CDK5RAP2: variants seen among roughly 807,000 people sequenced by gnomAD.
The protein encoded by CDK5RAP2 is CDK5 regulatory subunit-associated protein 2.
Under a neutral mutation model 232.9 loss-of-function variants are expected in CDK5RAP2, and 147 were observed. The ratio of observed to expected loss-of-function variants is 0.63; its 90% CI spans 0.55 to 0.72. CDK5RAP2 has a LOEUF of 0.72. Ranked by LOEUF, CDK5RAP2 falls within the 30% of genes least tolerant of loss-of-function variation. The probability of loss-of-function intolerance (pLI) is 0.00; values close to 1 mark genes in which losing one functional copy is unlikely to be tolerated. For synonymous variants in CDK5RAP2, 833 were observed against 833.7 expected (o/e 1.00, Z 0.01); for missense variants, 2,195 against 2,231.5 (o/e 0.98, Z 0.33).
intron 3 of CDK5RAP2, among the ~76,000 whole-genome samples, chr9:120,560,279 T>A (rs752723397): frequency 2.0e-5 from 3 of 152,220 alleles, no homozygotes; most frequent in Non-Finnish European, 2.9e-5. Flanking sequence ...TTGTGACAAC[T>A]AAATGAGCTA....
chr9:120,527,123 T>C (rs1174003693), intron 10 of CDK5RAP2, among the ~76,000 whole-genome samples: 1 of 152,168 alleles, frequency 6.6e-6, no homozygotes, highest in East Asian at 1.9e-4. Context: ...GTTCCTTGCA[T>C]AGCTACTAGG....
At chr9:120,522,060 T>C (rs570529678) in intron 11 of CDK5RAP2, among the ~76,000 whole-genome samples, 9 of 152,330 alleles carry the variant, frequency 5.9e-5, no homozygotes, top group Middle Eastern at 3.4e-3. Context: ...TCCCACTCCA[T>C]GTTCTTCCCA....
chr9:120,563,827 C>A (rs1183666696), intron 3 of CDK5RAP2, among the ~76,000 whole-genome samples: 1 of 152,228 alleles, frequency 6.6e-6, no homozygotes, highest in Admixed American at 6.5e-5. Flanking sequence ...TTTAAAGATG[C>A]AAACCTCCTA....
chr9:120,433,092 C>T (rs188862054), intron 25 of CDK5RAP2, among the ~76,000 whole-genome samples: 4 of 152,280 alleles, frequency 2.6e-5, no homozygotes, highest in East Asian at 1.9e-4. Context: ...CTGGGCCCTT[C>T]GCAAAAGCTG....
chr9:120,497,193 A>G (rs1408396013), intron 12 of CDK5RAP2, among the ~76,000 whole-genome samples: 1 of 131,860 alleles, frequency 7.6e-6, no homozygotes, highest in Non-Finnish European at 1.5e-5. Context: ...GTGCTTTGTT[A>G]AACAGATGCT....
At chr9:120,434,792 G>C (rs936052345) in intron 25 of CDK5RAP2, among the ~76,000 whole-genome samples, 7 of 152,208 alleles carry the variant, frequency 4.6e-5, no homozygotes, top group African/African-American at 1.7e-4. Flanking sequence ...GATGAAGACT[G>C]AAAACTGATC....
rs2031670561 is a variant in CDK5RAP2, at chr9:120,389,126, C to T, written c.*110G>A. The T allele has an allele frequency of 1.1e-6, 1 of 949,794 alleles. No individual in the cohort carries two copies. 58.8% of individuals were successfully genotyped at this position (949,794 alleles called of 1,614,324 possible). A position where few individuals can be genotyped will look rare whatever the true frequency, so the allele number is the denominator to read the frequency against. ...AACATGAAGGGAAAAAATAGATTTC[C>T]TTTGGCCAGACAGCTCTTTCTTCCT... On this transcript the variant is annotated 3_prime_UTR_variant, in exon 38 of 38. Transcript: ENST00000349780.
chr9:120,454,793 G>A (rs775439191), intron 20 of CDK5RAP2, among the ~76,000 whole-genome samples: 24 of 152,160 alleles, frequency 1.6e-4, no homozygotes, highest in Non-Finnish European at 2.8e-4. Flanking sequence ...TCCTTCAGAC[G>A]GACCACACAG....
intron 32 of CDK5RAP2, chr9:120,406,544 C>T (rs182362193): frequency 2.4e-4 from 40 of 165,532 alleles, no homozygotes; most frequent in Non-Finnish European, 4.1e-4. Context: ...GTACCCCCCA[C>T]AGCCTCTCCA....
In CDK5RAP2 at chr9:120,545,941, G is replaced by A. The variant is rs542890907; in HGVS notation, c.307-151C>T. 23 of 683,328 alleles carry A rather than the reference G, an allele frequency of 3.4e-5. 1 individual carries two copies. Among genetic ancestry groups the A allele is most frequent in the Admixed American group, 3.3e-4 (15 of 45,896 alleles). The allele number at this position is 683,328 out of a possible 1,614,324, so 42.3% of individuals were successfully genotyped here. Reference sequence around the variant, plus strand: ...TCCAAAAACCCTCATTAGCCTCAGGGCACAGGGAAAAGGGAATTATTAAAC... The same window carrying A: ...TCCAAAAACCCTCATTAGCCTCAGGACACAGGGAAAAGGGAATTATTAAAC... On this transcript the variant is annotated intron_variant, in intron 4 of 37. Transcript: ENST00000349780.
rs148218316 is a variant in CDK5RAP2 at position 120,413,435 on chromosome 9, G to A, written c.4297+1605C>T. On this transcript the variant is annotated intron_variant, in intron 28 of 37. Transcript: ENST00000349780. ...TAAACATTTCACAGCAGGGGGAGGC[G>A]GAGCCACTTTTATTCCTTTGTATTC... Among the ~76,000 whole-genome samples, 233 of 152,308 alleles carry A rather than the reference G, an allele frequency of 1.5e-3. 1 individual carries two copies. Among genetic ancestry groups the A allele is most frequent in the African/African-American group, 5.1e-3 (212 of 41,564 alleles).
At position 120,409,137 on chromosome 9, in the gene CDK5RAP2, C is replaced by T. The variant is rs750622631; in HGVS notation, c.4594G>A (p.Glu1532Lys). Residue 1532 changes from glutamate to lysine, a missense_variant, in exon 30 of 38, where the codon GAG (glutamate) becomes AAG (lysine). Transcript: ENST00000349780. ...LIQEVRCSGQELSRVQEEVKL... is the reference protein window; with the variant it reads ...LIQEVRCSGQKLSRVQEEVKL... ...AAGCACAGCCACTACCTGCTCAGCT[C>T]CTGGCCGCTGCAGCGGACCTCCTGG... 139 of 1,611,872 alleles carry T rather than the reference C, an allele frequency of 8.6e-5. 4 individuals are homozygous for T. In the South Asian group the frequency reaches 1.5e-3, roughly 17 times the overall value.
chr9:120,456,675 T>C (rs1275604698), intron 20 of CDK5RAP2, among the ~76,000 whole-genome samples: 1 of 152,224 alleles, frequency 6.6e-6, no homozygotes. Context: ...CTTCAGGAGA[T>C]GTTAAACTAA....
chr9:120,483,422 G>C (rs1025863336), intron 14 of CDK5RAP2, among the ~76,000 whole-genome samples: 10 of 152,208 alleles, frequency 6.6e-5, no homozygotes, highest in African/African-American at 2.2e-4. Flanking sequence ...CAGAGCCCTA[G>C]AGTCTGGGAC....
rs77100552 is a variant in CDK5RAP2 at position 120,394,512 on chromosome 9, A to G, written c.5578T>C (p.Leu1860=). 4,612 of 1,614,160 alleles carry G rather than the reference A, an allele frequency of 2.9e-3. 194 individuals are homozygous for G. The East Asian group carries it at 0.085, about 30-fold the overall frequency. Residue 1860 remains leucine (L), a splice_region_variant and synonymous_variant, in exon 36 of 38, where the codon TTG becomes CTG. Coordinates refer to ENST00000349780, the MANE Select transcript of CDK5RAP2 (RefSeq NM_018249.6). ...KRQEKVIFDQ[L]VVTHKILRKA... ...AGCGGCCACCCCCACACTCACTCAC[A>G]TTGATCAAAGATGACTTTTTCCTGG... is the stretch of plus-strand genomic sequence containing the variant.
At chr9:120,454,295 A>G (rs2036633656) in intron 20 of CDK5RAP2, among the ~76,000 whole-genome samples, 1 of 152,244 alleles carries the variant, frequency 6.6e-6, no homozygotes, top group African/African-American at 2.4e-5. Context: ...GTATGGCTTT[A>G]GATGAATCTG....
Position 120,518,632 on chromosome 9 carries a change from T to C in CDK5RAP2, c.1106A>G (p.Tyr369Cys), listed in dbSNP as rs960108683. Residue 369 changes from tyrosine (Y) to cysteine (C), a missense_variant, in exon 12 of 38, where the codon TAT becomes TGT. Physicochemically the swap from Tyr to Cys is radical, Grantham distance 194. Transcript: ENST00000349780. ...TTCCTTTCCTGATAGAGCAGTCTCA[T>C]AGTCTTCAGACCCCTAGAAGAGAAG... The part of the protein sequence containing the change: ...QTQEFQGSED[Y>C]ETALSGKEAL... The C allele has an allele frequency of 3.7e-6, 6 of 1,613,456 alleles. No individual in the cohort carries two copies. Among genetic ancestry groups the C allele is most frequent in the African/African-American group, 1.3e-5 (1 of 74,784 alleles).
In CDK5RAP2 at chr9:120,477,349, C is replaced by T; in HGVS notation, c.1727+1G>A. 1 of 1,607,668 alleles carries T rather than the reference C, an allele frequency of 6.2e-7. No individual in the cohort carries two copies. Among genetic ancestry groups the T allele is most frequent in the Non-Finnish European group, 8.5e-7 (1 of 1,174,560 alleles). ...TGTGATGTCCAGACAGAAACGCTTA[C>T]CTGTCTGATTCCTGCAGAGATTTGA... On this transcript the variant is annotated splice_donor_variant, in intron 15 of 37. Transcript: ENST00000349780. LOFTEE classifies it high-confidence loss of function.
At chr9:120,459,695 G>A (rs577784235) in intron 19 of CDK5RAP2, among the ~76,000 whole-genome samples, 61 of 152,314 alleles carry the variant, frequency 4.0e-4, no homozygotes, top group African/African-American at 1.2e-3. Context: ...TAGAGGTTAA[G>A]CACTAATTAA....
Sources: allele counts gnomAD v4.1 joint callset (sites outside exome capture counted in the v4.1 genomes callset), GRCh38; gene constraint gnomAD v4.1.1; transcripts MANE v1.5; gene names NCBI Gene and HGNC (gene_info 2026-07-23, HGNC 2026-07-21).